CDK19: variants seen among roughly 807,000 people sequenced by gnomAD.
The protein encoded by CDK19 is cyclin dependent kinase 19, also known as cyclin-dependent kinase 19.
CDK19 carries 20 observed loss-of-function variants against 68.3 expected under a neutral mutation model. That is an observed-to-expected ratio of 0.29 (90% CI 0.21 to 0.43). The LOEUF (loss-of-function observed/expected upper bound fraction) is 0.43. CDK19 is among the 20% of genes least tolerant of loss of function. The probability of loss-of-function intolerance (pLI) is 1.00; values close to 1 mark genes in which losing one functional copy is unlikely to be tolerated. For missense variants in CDK19, 339 were observed against 623.5 expected (o/e 0.54, Z 4.86); for synonymous variants, 221 against 222.8 (o/e 0.99, Z 0.07).
intron 2 of CDK19, among the ~76,000 whole-genome samples, chr6:110,714,722 C>CTTTTTTTTTTT (rs112875656): frequency 1.6e-4 from 11 of 69,854 alleles, no homozygotes; most frequent in East Asian, 5.6e-4. Flanking sequence ...AATGTCTTTT[C>CTTTTTTTTTTT]TTTTTTTTTT....
chr6:110,617,777 A>C (rs1263921708), intron 12 of CDK19, among the ~76,000 whole-genome samples: 1 of 143,928 alleles, frequency 6.9e-6, no homozygotes, highest in Non-Finnish European at 1.5e-5. Context: ...GAATCACTTG[A>C]ACCCAGGAGG....
chr6:110,756,404 C>A (rs1367087680), intron 1 of CDK19, among the ~76,000 whole-genome samples: 2 of 146,562 alleles, frequency 1.4e-5, no homozygotes, highest in East Asian at 2.0e-4. Context: ...AAAAAAAAAA[C>A]GTACAAAAAT....
intron 1 of CDK19, among the ~76,000 whole-genome samples, chr6:110,764,091 A>G (rs932027949): frequency 1.3e-5 from 2 of 152,214 alleles, no homozygotes; most frequent in African/African-American, 4.8e-5. Flanking sequence ...AAACTGTGAT[A>G]AAACAAATCA....
chr6:110,733,825 T>C (rs1776955573), intron 2 of CDK19, among the ~76,000 whole-genome samples: 1 of 152,154 alleles, frequency 6.6e-6, no homozygotes, highest in Non-Finnish European at 1.5e-5. Context: ...GTATTTTCTA[T>C]CTTCAAGTGT....
At chr6:110,648,538 CTTTT>C (rs60624969) in intron 4 of CDK19, among the ~76,000 whole-genome samples, 7 of 120,216 alleles carry the variant, frequency 5.8e-5, no homozygotes, top group Admixed American at 3.4e-4. Context: ...TTTTTCTTTT[CTTTT>C]TTTTTTTTTT....
At chr6:110,636,334 T>C (rs925598529) in intron 5 of CDK19, among the ~76,000 whole-genome samples, 8 of 152,224 alleles carry the variant, frequency 5.3e-5, no homozygotes, top group African/African-American at 1.9e-4. Context: ...CCTGAGGCCA[T>C]AACTTATCAA....
intron 2 of CDK19, among the ~76,000 whole-genome samples, chr6:110,727,700 C>G (rs1486742008): frequency 1.3e-5 from 2 of 151,976 alleles, no homozygotes; most frequent in Admixed American, 6.6e-5. Flanking sequence ...GGGCCAGGTG[C>G]AGGAGCTGAC....
intron 1 of CDK19, among the ~76,000 whole-genome samples, chr6:110,757,891 T>A (rs1778941127): frequency 6.6e-6 from 1 of 152,038 alleles, no homozygotes; most frequent in South Asian, 2.1e-4. Context: ...TAAGCAGCAG[T>A]TAAAGAGTTA....
intron 2 of CDK19, among the ~76,000 whole-genome samples, chr6:110,701,880 C>G (rs1473846131): frequency 6.6e-6 from 1 of 151,276 alleles, no homozygotes; most frequent in Non-Finnish European, 1.5e-5. Flanking sequence ...CGGTGGCTCA[C>G]GCCTGTAATC....
intron 1 of CDK19, among the ~76,000 whole-genome samples, chr6:110,755,169 T>C (rs1778752880): frequency 6.6e-6 from 1 of 152,016 alleles, no homozygotes; most frequent in South Asian, 2.1e-4. Flanking sequence ...GCCTCCTAAG[T>C]AGCTGGGACT....
chr6:110,694,455 A>T (rs1417414223), intron 2 of CDK19, among the ~76,000 whole-genome samples: 1 of 152,226 alleles, frequency 6.6e-6, no homozygotes, highest in African/African-American at 2.4e-5. Flanking sequence ...GTCCAACAGA[A>T]AAGTATCACA....
rs780395226 is a variant in CDK19, at chr6:110,621,113, C to A, written c.1368G>T (p.Ser456=). 1 of 1,612,392 alleles carries A rather than the reference C, an allele frequency of 6.2e-7. No homozygotes were observed. Among genetic ancestry groups the A allele is most frequent in the South Asian group, 1.1e-5 (1 of 90,754 alleles). ...GACATTCAGGGAGTACCTGATAATC[C>A]GAGGGCATCACAGGTCCACCTGAGT... is the stretch of plus-strand genomic sequence containing the variant. ...GANSGGPVMP[S]DYQHSSSRLN... Residue 456 remains serine (S), a synonymous_variant, in exon 12 of 13, where the codon TCG becomes TCT. Transcript: ENST00000368911. This position sits in a 1 kb window ranked among gnomAD's most constrained non-coding sequence, Gnocchi z 5.4.
chr6:110,641,722 A>G (rs1780199912), intron 4 of CDK19, among the ~76,000 whole-genome samples: 1 of 151,790 alleles, frequency 6.6e-6, no homozygotes. Flanking sequence ...GAAAACTATC[A>G]ATATAGAAAG....
intron 1 of CDK19, among the ~76,000 whole-genome samples, chr6:110,795,451 C>A (rs907358391): frequency 1.3e-5 from 2 of 152,156 alleles, no homozygotes; most frequent in Admixed American, 1.3e-4. Context: ...CATAGAGAAA[C>A]AGCTCTAATT....
At chr6:110,812,619 T>G (rs1341540400) in intron 1 of CDK19, among the ~76,000 whole-genome samples, 1 of 152,210 alleles carries the variant, frequency 6.6e-6, no homozygotes, top group African/African-American at 2.4e-5. Context: ...AACAATGTTT[T>G]GGTTATATAC....
chr6:110,614,596 T>C lies in CDK19; in HGVS notation c.1448A>G (p.Tyr483Cys). The C allele has an allele frequency of 1.2e-6, 2 of 1,613,450 alleles. No homozygotes were observed. The highest frequency in any genetic ancestry group is 1.7e-6 in the Non-Finnish European group (2 of 1,179,682). The change falls in exon 13 of 13, where the codon TAC becomes TGC. Residue 483 changes from tyrosine to cysteine, a missense_variant. Coordinates refer to ENST00000368911, the MANE Select transcript of CDK19 (RefSeq NM_015076.5). ...GSSQSQSTLG[Y>C]SSSSQQSSQY... ...TGAGCTCTGCTGAGACGAGGAAGAGTAGCCAAGTGTGCTCTGGGACTGAGA... is the reference window on the plus strand; with the variant it reads ...TGAGCTCTGCTGAGACGAGGAAGAGCAGCCAAGTGTGCTCTGGGACTGAGA...
chr6:110,750,035 G>A (rs1383111681), intron 1 of CDK19, among the ~76,000 whole-genome samples: 2 of 145,836 alleles, frequency 1.4e-5, no homozygotes, highest in South Asian at 2.4e-4. Context: ...CTCCCAAAGT[G>A]CTGGGATTAT....
chr6:110,807,538 C>T (rs1461691071), intron 1 of CDK19, among the ~76,000 whole-genome samples: 1 of 152,178 alleles, frequency 6.6e-6, no homozygotes, highest in Non-Finnish European at 1.5e-5. Flanking sequence ...TAGCTCACTG[C>T]AGCTTCCACC....
At chr6:110,681,464 C>T (rs1772012577) in intron 2 of CDK19, among the ~76,000 whole-genome samples, 1 of 152,120 alleles carries the variant, frequency 6.6e-6, no homozygotes, top group African/African-American at 2.4e-5. Flanking sequence ...CTTCAATGAG[C>T]ATTACTCTTA....
Sources: allele counts gnomAD v4.1 joint callset (sites outside exome capture counted in the v4.1 genomes callset), GRCh38; gene constraint gnomAD v4.1.1; non-coding constraint Gnocchi (gnomAD v3.1); transcripts MANE v1.5; gene names NCBI Gene and HGNC (gene_info 2026-07-23, HGNC 2026-07-21).